TRIM11: variants seen among roughly 807,000 people sequenced by gnomAD.
The protein encoded by TRIM11 is tripartite motif containing 11.
A neutral mutation model predicts 33.4 loss-of-function variants in TRIM11; 15 were observed. The observed-to-expected ratio is 0.45, with a 90% CI of 0.30 to 0.69. TRIM11 has a LOEUF of 0.69. Ranked by LOEUF, TRIM11 falls within the 30% of genes least tolerant of loss-of-function variation. TRIM11 has a pLI of 0.08. For missense variants in TRIM11, 499 were observed against 667.6 expected, an observed-to-expected ratio of 0.75 and a Z score of 2.78; for synonymous variants, 281 against 302.6, an observed-to-expected ratio of 0.93 and a Z score of 0.74.
chr1:228,403,102 C>A lies in TRIM11; in HGVS notation c.409-941G>T, dbSNP rs533108973. On this transcript the variant is annotated intron_variant, in intron 1 of 5. Transcript: ENST00000284551. The surrounding 1 kb of genome is among the most constrained non-coding windows in gnomAD (Gnocchi z 4.8). ...CCCACGGTTCCTCATGCTGTGCATACCAGGAAGCAGTGAAAATCCTGTACA... is the reference window on the plus strand; with the variant it reads ...CCCACGGTTCCTCATGCTGTGCATAACAGGAAGCAGTGAAAATCCTGTACA... 6.6e-6 allele frequency: 1 copy of A among 152,228 alleles called. No individual in the cohort carries two copies. The highest frequency in any genetic ancestry group is 6.5e-5 in the Admixed American group (1 of 15,282). The allele number at this position is 152,228 out of a possible 1,614,324, so 9.4% of individuals were successfully genotyped here.
At position 228,406,564 on chromosome 1, in the gene TRIM11, C is replaced by A; in HGVS notation, c.-3G>T. 2.6e-6 allele frequency: 4 copies of A among 1,514,476 alleles called. No homozygotes were observed. The highest frequency in any genetic ancestry group is 2.7e-6 in the Non-Finnish European group (3 of 1,127,120). 93.8% of individuals were successfully genotyped at this position (1,514,476 alleles called of 1,614,324 possible). A position where few individuals can be genotyped will look rare whatever the true frequency, so the allele number is the denominator to read the frequency against. On this transcript the variant is annotated 5_prime_UTR_variant, in exon 1 of 6. Coordinates refer to ENST00000284551, the MANE Select transcript of TRIM11 (RefSeq NM_145214.3). The surrounding 1 kb of genome is among the most constrained non-coding windows in gnomAD (Gnocchi z 8.2). Reference sequence around the variant, plus strand: ...GTGGACAGGTCGGGGGCGGCCATGGCGCGGACAGAGGGGAGGAAGGCGGTA... The same window carrying A: ...GTGGACAGGTCGGGGGCGGCCATGGAGCGGACAGAGGGGAGGAAGGCGGTA...
At chr1:228,404,025 C>A (rs1443545485) in intron 1 of TRIM11, 1 of 152,260 alleles carries the variant, frequency 6.6e-6, no homozygotes, top group Non-Finnish European at 1.5e-5. Context: ...TAAAGCAGCA[C>A]AACATACCCA....
At position 228,400,054 on chromosome 1, in the gene TRIM11, G is replaced by C. The variant is rs1656132014; in HGVS notation, c.735+910C>G. The stretch of plus-strand genomic sequence containing the variant: ...GCCCAGCCACATCTGCAGCATTGTG[G>C]GCTCCACCTGGGTCTGGCAGCCCTG... On this transcript the variant is annotated intron_variant, in intron 3 of 5. Coordinates refer to ENST00000284551, the MANE Select transcript of TRIM11 (RefSeq NM_145214.3). The surrounding 1 kb of genome is among the most constrained non-coding windows in gnomAD (Gnocchi z 4.5). Among the ~76,000 whole-genome samples, 1 of 152,148 alleles carries C rather than the reference G, an allele frequency of 6.6e-6. No homozygotes were observed.
chr1:228,396,649 TA>T (rs1421898036), intron 5 of TRIM11: 1 of 710,586 alleles, frequency 1.4e-6, no homozygotes, highest in Non-Finnish European at 2.6e-6. Flanking sequence ...ACTGAGCCCT[TA>T]ATCTGTGGGG....
intron 3 of TRIM11, chr1:228,397,475 C>T: frequency 2.4e-6 from 1 of 419,018 alleles, no homozygotes; most frequent in East Asian, 4.1e-5. Flanking sequence ...ACCCAGAGCC[C>T]CAAGTGGGCG....
chr1:228,396,735 G>A (rs1244096804), intron 5 of TRIM11: 8 of 718,972 alleles, frequency 1.1e-5, no homozygotes, highest in African/African-American at 5.2e-5. Context: ...TACCCAATTC[G>A]TTTCCAGAAG....
At chr1:228,398,746 T>C (rs1259911754) in intron 3 of TRIM11, among the ~76,000 whole-genome samples, 1 of 151,810 alleles carries the variant, frequency 6.6e-6, no homozygotes, top group African/African-American at 2.4e-5. Flanking sequence ...CAGGGGCAGA[T>C]GGTGCTGGTG....
At chr1:228,396,887 C>T (rs2074990952) in intron 5 of TRIM11, 60 bp downstream of exon 5, 1 of 1,533,624 alleles carries the variant, frequency 6.5e-7, no homozygotes, top group Non-Finnish European at 9.0e-7. Context: ...GGCTGGCTGC[C>T]CAGGTCCTTG....
At position 228,400,415 on chromosome 1, in the gene TRIM11, C is replaced by T. The variant is rs929267213; in HGVS notation, c.735+549G>A. Among the ~76,000 whole-genome samples, 7 of 152,174 alleles carry T rather than the reference C, an allele frequency of 4.6e-5. No individual in the cohort carries two copies. Among genetic ancestry groups the T allele is most frequent in the Non-Finnish European group, 1.0e-4 (7 of 68,016 alleles). On this transcript the variant is annotated intron_variant, in intron 3 of 5. Transcript: ENST00000284551. This position sits in a 1 kb window ranked among gnomAD's most constrained non-coding sequence, Gnocchi z 4.5. The stretch of plus-strand genomic sequence containing the variant: ...CCACTGGTTCTGGTTTGGGGGTGCA[C>T]CAAGGAAAGCCCAGGCCCAGGGGGC...
In TRIM11 at chr1:228,401,217, C is replaced by T. The variant is rs374245739; in HGVS notation, c.505-23G>A. ...CTTCTGTGGAGCCCAGGGAGAAGGA[C>T]AGCTGAGGCCAGACCCCAGGCCCAG... On this transcript the variant is annotated intron_variant, in intron 2 of 5. Transcript: ENST00000284551. This position sits in a 1 kb window ranked among gnomAD's most constrained non-coding sequence, Gnocchi z 6.1. 5.0e-6 allele frequency: 8 copies of T among 1,604,688 alleles called. No individual in the cohort carries two copies. The Admixed American group carries it at 5.0e-5, about 10-fold the overall frequency.
In TRIM11 at chr1:228,395,643, T is replaced by C. The variant is rs2074979356; in HGVS notation, c.860-391A>G. On this transcript the variant is annotated intron_variant, in intron 5 of 5. Transcript: ENST00000284551. This position sits in a 1 kb window ranked among gnomAD's most constrained non-coding sequence, Gnocchi z 4.8. ...CAAATGATCCTCCCGCCTCAGATCC[T>C]CCCAAGCTGCTGGGATTACAGGCGT... 5.9e-6 allele frequency: 1 copy of C among 169,034 alleles called. No individual in the cohort carries two copies. The highest frequency in any genetic ancestry group is 1.6e-4 in the East Asian group (1 of 6,324). 10.5% of individuals were successfully genotyped at this position (169,034 alleles called of 1,614,324 possible). A position where few individuals can be genotyped will look rare whatever the true frequency, so the allele number is the denominator to read the frequency against.
chr1:228,405,863 T>C, intron 1 of TRIM11: 1 of 356,994 alleles, frequency 2.8e-6, no homozygotes, highest in East Asian at 4.2e-5. Context: ...CACCTTCCTC[T>C]CTTAGCCTCT....
At chr1:228,397,347 C>T (rs2074995699) in intron 3 of TRIM11, 182 bp from the exon 4 acceptor site, 1 of 682,382 alleles carries the variant, frequency 1.5e-6, no homozygotes, top group Non-Finnish European at 2.5e-6. Context: ...GAATGCTGGA[C>T]AGAGGCTCTG....
At position 228,394,996 on chromosome 1, in the gene TRIM11, G is replaced by T. The variant is rs371991115; in HGVS notation, c.1116C>A (p.Ser372=). ...NVNRKEKGEL[S]AGNGFWILVF... ...CCAGGATCCAGAAGCCGTTGCCCGC[G>T]GACAGCTCGCCCTTCTCCTTCCTGT... Residue 372 remains serine, a synonymous_variant, in exon 6 of 6, where the codon TCC becomes TCA. Coordinates refer to ENST00000284551, the MANE Select transcript of TRIM11 (RefSeq NM_145214.3). This position sits in a 1 kb window ranked among gnomAD's most constrained non-coding sequence, Gnocchi z 6.2. 3 of 1,613,982 alleles carry T rather than the reference G, an allele frequency of 1.9e-6. No homozygotes were observed. The highest frequency in any genetic ancestry group is 2.5e-6 in the Non-Finnish European group (3 of 1,180,002).
At chr1:228,399,229 C>T (rs1439443413) in intron 3 of TRIM11, among the ~76,000 whole-genome samples, 2 of 152,278 alleles carry the variant, frequency 1.3e-5, no homozygotes, top group East Asian at 3.9e-4. Context: ...CAAACCAGCA[C>T]ACAGCTCACA....
In TRIM11 at chr1:228,402,300, C is replaced by T. The variant is rs544549022; in HGVS notation, c.409-139G>A. 66 of 612,726 alleles carry T rather than the reference C, an allele frequency of 1.1e-4. No individual in the cohort carries two copies. The South Asian group carries it at 1.4e-3, about 13-fold the overall frequency. 38.0% of individuals were successfully genotyped at this position (612,726 alleles called of 1,614,324 possible). On this transcript the variant is annotated intron_variant, in intron 1 of 5. Coordinates refer to ENST00000284551, the MANE Select transcript of TRIM11 (RefSeq NM_145214.3). ...GCCTGGTGAATCAGGGAACTCAATG[C>T]CCTCCAATAAGCGTGAGCCCTCATG...
rs1158241167 is a variant in TRIM11 at position 228,395,499 on chromosome 1, A to G, written c.860-247T>C. The G allele has an allele frequency of 5.3e-6, 2 of 376,888 alleles. No individual in the cohort carries two copies. The highest frequency in any genetic ancestry group is 9.3e-6 in the Non-Finnish European group (2 of 214,422). The allele number at this position is 376,888 out of a possible 1,614,324, so 23.3% of individuals were successfully genotyped here. A position where few individuals can be genotyped will look rare whatever the true frequency, so the allele number is the denominator to read the frequency against. On this transcript the variant is annotated intron_variant, in intron 5 of 5. Coordinates refer to ENST00000284551, the MANE Select transcript of TRIM11 (RefSeq NM_145214.3). This position sits in a 1 kb window ranked among gnomAD's most constrained non-coding sequence, Gnocchi z 4.8. ...GGTCCATGTTTTGCCTTCAGATATC[A>G]AGAGGGAATCTTGGTTGCTTTTTTT...
chr1:228,405,803 C>G (rs563792414), intron 1 of TRIM11: 1 of 245,164 alleles, frequency 4.1e-6, no homozygotes, highest in African/African-American at 2.2e-5. Flanking sequence ...CCTTGCTGGC[C>G]AGGGTATGGC....
chr1:228,396,037 G>A (rs1317518779), intron 5 of TRIM11: 1 of 152,764 alleles, frequency 6.5e-6, no homozygotes, highest in Non-Finnish European at 1.5e-5. Flanking sequence ...CCAGTTCCTG[G>A]CGCAGAGCTC....
Sources: allele counts gnomAD v4.1 joint callset (sites outside exome capture counted in the v4.1 genomes callset), GRCh38; gene constraint gnomAD v4.1.1; non-coding constraint Gnocchi (gnomAD v3.1); transcripts MANE v1.5; gene names NCBI Gene and HGNC (gene_info 2026-07-23, HGNC 2026-07-21).